The following ZNG1A variants were observed in gnomAD, a reference collection of about 807,000 sequenced individuals.
The protein encoded by ZNG1A is zinc-regulated GTPase metalloprotein activator 1A.
At chr9:140,982 G>T in the ZNG1A span, among the ~76,000 whole-genome samples, 1 of 137,214 alleles carries the variant, frequency 7.3e-6, no homozygotes, top group Non-Finnish European at 1.5e-5. Flanking sequence ...AAGAAGGGAA[G>T]TTTAGAGAAA....
chr9:169,854 C>CTTTTTTTTTTTTT, the ZNG1A span, among the ~76,000 whole-genome samples: 4 of 53,978 alleles, frequency 7.4e-5, no homozygotes, highest in African/African-American at 2.7e-4. Flanking sequence ...ATAAACACAG[C>CTTTTTTTTTTTTT]TTTTTTTTTT....
At chr9:154,289 A>T in the ZNG1A span, 916 of 35,588 alleles carry the variant, frequency 0.026, 3 homozygotes, top group Admixed American at 0.029. Flanking sequence ...GAATAAATTA[A>T]AAAAAAAAAA....
the ZNG1A span, among the ~76,000 whole-genome samples, chr9:155,633 G>T: frequency 6.6e-6 from 1 of 152,056 alleles, no homozygotes; most frequent in African/African-American, 2.4e-5. Flanking sequence ...ATTATTCAGG[G>T]TCTTATGCTT....
chr9:150,002 T>C, the ZNG1A span: 2 of 151,250 alleles, frequency 1.3e-5, no homozygotes, highest in Admixed American at 6.6e-5. Context: ...CACATGCTTA[T>C]AGCAGTTTAT....
the ZNG1A span, among the ~76,000 whole-genome samples, chr9:144,854 AAAAC>A: frequency 7.3e-5 from 11 of 150,834 alleles, no homozygotes; most frequent in African/African-American, 2.7e-4. Flanking sequence ...TTACAAGAAA[AAAAC>A]AAACAACCCC....
At chr9:154,536 A>G in the ZNG1A span, 3 of 601,522 alleles carry the variant, frequency 5.0e-6, no homozygotes, top group Non-Finnish European at 8.8e-6. Context: ...GACTAATTTT[A>G]TGTATTACCA....
the ZNG1A span, among the ~76,000 whole-genome samples, chr9:138,513 A>G: frequency 7.5e-6 from 1 of 133,042 alleles, no homozygotes. Context: ...TGTTTTCAAA[A>G]TGTGAACAAT....
the ZNG1A span, among the ~76,000 whole-genome samples, chr9:158,272 G>T: frequency 6.6e-6 from 1 of 151,574 alleles, no homozygotes; most frequent in African/African-American, 2.4e-5. Flanking sequence ...ATACATAAAA[G>T]ATGTTACATG....
At chr9:125,085 G>C in the ZNG1A span, among the ~76,000 whole-genome samples, 2 of 152,258 alleles carry the variant, frequency 1.3e-5, no homozygotes, top group African/African-American at 2.4e-5. Context: ...TAGTGGGATT[G>C]CTGGACCAAA....
chr9:129,080 C>CCAGCACCTGTTCCAGTGGAGGT, the ZNG1A span, among the ~76,000 whole-genome samples: 2 of 148,376 alleles, frequency 1.3e-5, no homozygotes, highest in Non-Finnish European at 3.0e-5. Context: ...CCAGTGGAGG[C>CCAGCACCTGTTCCAGTGGAGGT]GGTAGGAGGG....
At chr9:175,548 T>C in the ZNG1A span, 1 of 573,238 alleles carries the variant, frequency 1.7e-6, no homozygotes. Flanking sequence ...CCCATATAAA[T>C]CTTAACAGAA....
the ZNG1A span, among the ~76,000 whole-genome samples, chr9:124,123 A>G: frequency 6.6e-6 from 1 of 152,174 alleles, no homozygotes; most frequent in African/African-American, 2.4e-5. Context: ...ATTGAATATT[A>G]ACTTTAGGAT....
the ZNG1A span, chr9:172,823 T>C: frequency 1.1e-5 from 2 of 178,338 alleles, no homozygotes; most frequent in Admixed American, 5.5e-5. Flanking sequence ...CTACTATGTG[T>C]TGGGTAACTC....
chr9:138,821 T>C, the ZNG1A span, among the ~76,000 whole-genome samples: 1 of 149,722 alleles, frequency 6.7e-6, no homozygotes, highest in Non-Finnish European at 1.5e-5. Context: ...GGAGGATCAC[T>C]TGAGCCCAGG....
At chr9:146,821 T>A in the ZNG1A span, 3 of 144,558 alleles carry the variant, frequency 2.1e-5, no homozygotes, top group Admixed American at 2.1e-4. Flanking sequence ...GGTTTAAATA[T>A]AAAAAAGCAA....
At chr9:157,044 C>T in the ZNG1A span, among the ~76,000 whole-genome samples, 1 of 134,244 alleles carries the variant, frequency 7.4e-6, no homozygotes, top group Non-Finnish European at 1.6e-5. Context: ...ACCACGTGAA[C>T]TCAGTACTAG....
chr9:173,903 A>C, the ZNG1A span, among the ~76,000 whole-genome samples: 10 of 152,198 alleles, frequency 6.6e-5, no homozygotes, highest in African/African-American at 2.4e-4. Flanking sequence ...AATTAAACTT[A>C]TAGGGAGGCC....
At chr9:163,375 G>C in the ZNG1A span, among the ~76,000 whole-genome samples, 1 of 151,502 alleles carries the variant, frequency 6.6e-6, no homozygotes, top group South Asian at 2.1e-4. Context: ...ATTATATTAA[G>C]GGCATAAATC....
the ZNG1A span, among the ~76,000 whole-genome samples, chr9:138,542 A>G: frequency 2.6e-5 from 1 of 38,814 alleles, no homozygotes; most frequent in Non-Finnish European, 4.4e-5. Context: ...CTGAAGGTGG[A>G]AAAAAAAAAA....
Sources: allele counts gnomAD v4.1 joint callset (sites outside exome capture counted in the v4.1 genomes callset), GRCh38; gene constraint gnomAD v4.1.1; transcripts MANE v1.5; gene names NCBI Gene and HGNC (gene_info 2026-07-23, HGNC 2026-07-21).